The following GABRA3 variants were observed in gnomAD, a reference collection of about 807,000 sequenced individuals.
The protein encoded by GABRA3 is gamma-aminobutyric acid type A receptor subunit alpha3.
A neutral mutation model predicts 30.1 loss-of-function variants in GABRA3; 10 were observed. The observed-to-expected ratio is 0.33, with a 90% CI of 0.20 to 0.56. The LOEUF (loss-of-function observed/expected upper bound fraction) is 0.56. Ranked by LOEUF, GABRA3 falls within the 20% of genes least tolerant of loss-of-function variation. GABRA3 has a pLI of 0.89. For synonymous variants in GABRA3, 151 were observed against 146.8 expected, an observed-to-expected ratio of 1.03 and a Z score of -0.21; for missense variants, 233 against 392.0, an observed-to-expected ratio of 0.59 and a Z score of 3.42.
At chrX:152,278,558 C>T (rs1332920677) in intron 4 of GABRA3, among the ~76,000 whole-genome samples, 6 of 111,404 alleles carry the variant, frequency 5.4e-5, no homozygotes, top group Non-Finnish European at 1.1e-4. Context: ...TGAATAGTGC[C>T]ACAATAAACA....
chrX:152,400,116 T>G (rs1336223096), intron 1 of GABRA3, among the ~76,000 whole-genome samples: 1 of 111,717 alleles, frequency 9.0e-6, no homozygotes, highest in African/African-American at 3.3e-5. Context: ...ATATATAAAA[T>G]ATTTTCTCAC....
chrX:152,419,503 A>T (rs945234891), intron 1 of GABRA3, among the ~76,000 whole-genome samples: 4 of 111,303 alleles, frequency 3.6e-5, no homozygotes, highest in Non-Finnish European at 7.5e-5. Context: ...ATGCCAAAAA[A>T]CATGAAAATT....
At chrX:152,428,033 T>C (rs943251008) in intron 1 of GABRA3, among the ~76,000 whole-genome samples, 4 of 112,458 alleles carry the variant, frequency 3.6e-5, no homozygotes, top group African/African-American at 1.3e-4. Context: ...AGGTAATAGC[T>C]AAAAGTATTC....
At chrX:152,335,838 G>C (rs1042569025) in intron 3 of GABRA3, among the ~76,000 whole-genome samples, 1 of 110,322 alleles carries the variant, frequency 9.1e-6, no homozygotes, top group African/African-American at 3.3e-5. Flanking sequence ...TGCTACCTCA[G>C]CCTCTCGAGG....
intron 3 of GABRA3, among the ~76,000 whole-genome samples, chrX:152,291,734 C>A (rs1450452219): frequency 9.0e-6 from 1 of 111,414 alleles, no homozygotes; most frequent in African/African-American, 3.3e-5. Context: ...GCTGTTGAAT[C>A]TTGTCGAAGG....
intron 1 of GABRA3, among the ~76,000 whole-genome samples, chrX:152,386,764 A>C (rs1929327524): frequency 9.0e-6 from 1 of 111,011 alleles, no homozygotes; most frequent in South Asian, 3.9e-4. Context: ...CTAGAACCAG[A>C]AATACTTTTT....
chrX:152,371,932 G>A (rs757036828), intron 1 of GABRA3, among the ~76,000 whole-genome samples: 1 of 111,166 alleles, frequency 9.0e-6, no homozygotes, highest in Non-Finnish European at 1.9e-5. Flanking sequence ...ATCCCTATCC[G>A]ATCCATATCC....
chrX:152,392,915 G>T (rs1444717740), intron 1 of GABRA3, among the ~76,000 whole-genome samples: 1 of 111,902 alleles, frequency 8.9e-6, no homozygotes, highest in Non-Finnish European at 1.9e-5. Flanking sequence ...CCACGGTACA[G>T]GGGTAAACAG....
intron 4 of GABRA3, among the ~76,000 whole-genome samples, chrX:152,275,202 A>ATATATATAATATTATATATATATAATT: frequency 2.0e-5 from 1 of 49,042 alleles, no homozygotes; most frequent in Admixed American, 2.9e-4. Flanking sequence ...TATATAATTT[A>ATATATATAATATTATATATATATAATT]TATATATAAT....
chrX:152,204,776 A>G (rs1273646949), intron 7 of GABRA3, among the ~76,000 whole-genome samples: 1 of 111,837 alleles, frequency 8.9e-6, no homozygotes, highest in Non-Finnish European at 1.9e-5. Context: ...AAAGTACTAC[A>G]CCCTGGATGG....
At chrX:152,298,133 T>C (rs1317791640) in intron 3 of GABRA3, among the ~76,000 whole-genome samples, 1 of 112,338 alleles carries the variant, frequency 8.9e-6, no homozygotes, top group Non-Finnish European at 1.9e-5. Context: ...AGCCTGAACA[T>C]AAAATTAATT....
chrX:152,234,093 G>A (rs1208721236), intron 5 of GABRA3, among the ~76,000 whole-genome samples: 1 of 103,141 alleles, frequency 9.7e-6, no homozygotes, highest in Non-Finnish European at 2.0e-5. Context: ...TATACCTAAT[G>A]CTAGATGAGG....
chrX:152,416,870 C>T (rs1219846719), intron 1 of GABRA3, among the ~76,000 whole-genome samples: 2 of 106,262 alleles, frequency 1.9e-5, no homozygotes, highest in Non-Finnish European at 3.9e-5. Flanking sequence ...ATACAAAAAT[C>T]AATTCAAGAT....
At position 152,260,121 on chromosome X, in the gene GABRA3, G is replaced by A. The variant is rs182525023; in HGVS notation, c.331-4123C>T. On this transcript the variant is annotated intron_variant, in intron 4 of 9. Coordinates refer to ENST00000370314, the MANE Select transcript of GABRA3 (RefSeq NM_000808.4). ...TCTGGCGGTACTCTTGTGGGGCGGT[G>A]GTGGTGGCCATGAGGTGAGGCTCCT... Among the ~76,000 whole-genome samples, 854 of 110,814 alleles carry A rather than the reference G, an allele frequency of 7.7e-3. 5 individuals carry two copies. Among genetic ancestry groups the A allele is most frequent in the Non-Finnish European group, 0.011 (588 of 52,978 alleles).
At chrX:152,215,396 C>A (rs1937701376) in intron 6 of GABRA3, among the ~76,000 whole-genome samples, 1 of 110,916 alleles carries the variant, frequency 9.0e-6, no homozygotes, top group South Asian at 3.8e-4. Context: ...TTATTTTCTT[C>A]ATCTATTGAA....
chrX:152,400,329 C>A (rs1046308294), intron 1 of GABRA3, among the ~76,000 whole-genome samples: 1 of 108,430 alleles, frequency 9.2e-6, no homozygotes. Context: ...CCCATCTGTA[C>A]ATAAATAGAT....
chrX:152,271,039 G>A (rs1938925948), intron 4 of GABRA3, among the ~76,000 whole-genome samples: 1 of 106,236 alleles, frequency 9.4e-6, no homozygotes, highest in African/African-American at 3.5e-5. Context: ...TCAGCTCACT[G>A]CAATCTCTGC....
chrX:152,268,548 T>C (rs1048647692), intron 4 of GABRA3, among the ~76,000 whole-genome samples: 1 of 112,091 alleles, frequency 8.9e-6, no homozygotes, highest in African/African-American at 3.2e-5. Context: ...GGTATGTCTT[T>C]ATTAGCAGCA....
intron 3 of GABRA3, among the ~76,000 whole-genome samples, chrX:152,342,716 C>T (rs1287942780): frequency 2.7e-5 from 3 of 110,992 alleles, no homozygotes; most frequent in Admixed American, 9.6e-5. Context: ...ATTTTTGTTC[C>T]GAGATAATGT....
Sources: gnomAD v4.1 joint callset for allele counts (sites outside exome capture counted in the v4.1 genomes callset) on GRCh38, gnomAD v4.1.1 for gene constraint, MANE v1.5 for transcripts, NCBI Gene and HGNC (gene_info 2026-07-23, HGNC 2026-07-21) for gene names.